Variants in ACIN1 observed in about 807,000 individuals in gnomAD.
ACIN1 encodes apoptotic chromatin condensation inducer in the nucleus.
Under a neutral mutation model 146.6 loss-of-function variants are expected in ACIN1, and 16 were observed. The ratio of observed to expected loss-of-function variants is 0.11; its 90% confidence interval spans 0.07 to 0.17. The LOEUF is 0.17. ACIN1 is among the 10% of genes least tolerant of loss of function. The pLI is 1.00. For synonymous variants in ACIN1, 569 were observed against 582.7 expected, an observed-to-expected ratio of 0.98 and a Z score of 0.34; for missense variants, 1,357 against 1,609.3, an observed-to-expected ratio of 0.84 and a Z score of 2.68.
At chr14:23,078,645 T>G (rs1220813692) in intron 7 of ACIN1, among the ~76,000 whole-genome samples, 175 bp downstream of exon 7, 1 of 152,226 alleles carries the variant, frequency 6.6e-6, no homozygotes, top group East Asian at 1.9e-4. Context: ...CTCAGCCTCA[T>G]GTAGAACTTC....
At chr14:23,062,353 G>A in intron 15 of ACIN1, 63 bp downstream of exon 15, 1 of 1,602,030 alleles carries the variant, frequency 6.2e-7, no homozygotes, top group Non-Finnish European at 8.6e-7. Context: ...CCTTAAACCT[G>A]CCCACACTGG....
intron 8 of ACIN1, among the ~76,000 whole-genome samples, chr14:23,069,865 T>C (rs1441218009): frequency 1.3e-5 from 2 of 152,122 alleles, no homozygotes; most frequent in Non-Finnish European, 2.9e-5. Context: ...GAGTTAAAAG[T>C]TGTCATTTGT....
intron 8 of ACIN1, chr14:23,071,546 G>A (rs1424078004): frequency 1.3e-6 from 2 of 1,550,830 alleles, no homozygotes; most frequent in East Asian, 2.4e-5. Flanking sequence ...GAGACATGCA[G>A]GGGAGCCATC....
chr14:23,083,384 T>C (rs1481029563), intron 4 of ACIN1, among the ~76,000 whole-genome samples: 1 of 151,914 alleles, frequency 6.6e-6, no homozygotes, highest in Non-Finnish European at 1.5e-5. Flanking sequence ...AATGTCATGA[T>C]TGAGAAAAAG....
Position 23,059,264 on chromosome 14 carries a change from G to T in ACIN1, c.3736C>A (p.Arg1246=). The part of the protein sequence containing the change: ...ERERDRGDRD[R]DRERDRERGR... ...CGTTCTCGGTCCCTTTCCCTATCCC[G>T]ATCTCGGTCCCCCCTGTCCCGCTCC... The change falls in exon 19 of 19, where the codon CGG becomes AGG. Residue 1246 remains arginine, a synonymous_variant. Coordinates refer to ENST00000605057, the MANE Select transcript of ACIN1 (RefSeq NM_001386863.1). 1.2e-6 allele frequency: 2 copies of T among 1,609,278 alleles called. No homozygotes were observed. Among genetic ancestry groups the T allele is most frequent in the South Asian group, 1.1e-5 (1 of 90,976 alleles).
At chr14:23,071,652 G>A in intron 8 of ACIN1, 1 of 1,296,202 alleles carries the variant, frequency 7.7e-7, no homozygotes, top group South Asian at 1.5e-5. Flanking sequence ...GAGTGAGCAA[G>A]GTTCTTATCC....
In ACIN1 at chr14:23,069,403, C is replaced by T. The variant is rs890178663; in HGVS notation, c.2265+73G>A. The T allele has an allele frequency of 9.6e-6, 15 of 1,556,004 alleles. No individual in the cohort carries two copies. In the African/African-American group the frequency reaches 1.6e-4, roughly 17 times the overall value. On this transcript the variant is annotated intron_variant, in intron 9 of 18. Coordinates refer to ENST00000605057, the MANE Select transcript of ACIN1 (RefSeq NM_001386863.1). ...AGTTAACCCACCGTGTAAGAGGGATCACTAGAGTGCTCTACTCTTTCCCCT... is the reference window on the plus strand; with the variant it reads ...AGTTAACCCACCGTGTAAGAGGGATTACTAGAGTGCTCTACTCTTTCCCCT...
intron 18 of ACIN1, 103 bp downstream of exon 18, chr14:23,060,977 TAGGA>T (rs2047261545): frequency 1.1e-5 from 11 of 1,044,028 alleles, no homozygotes; most frequent in Non-Finnish European, 1.6e-5. Context: ...ATCCTAAACC[TAGGA>T]AGTACTTGGG....
chr14:23,061,613 G>A lies in ACIN1; in HGVS notation c.3109C>T (p.His1037Tyr), dbSNP rs1298802842. 6.5e-7 allele frequency: 1 copy of A among 1,534,634 alleles called. No individual in the cohort carries two copies. Among genetic ancestry groups the A allele is most frequent in the Non-Finnish European group, 8.8e-7 (1 of 1,139,792 alleles). ...DYAEQDELDY[H>Y]RGLLVDRPSE... ...GGACGGTCCACCAAGAGGCCTCGGT[G>A]ATAATCCAGCTGTGGGGAGAGGAGG... Residue 1037 changes from histidine to tyrosine, a missense_variant, in exon 17 of 19, where the codon CAC becomes TAC. Around this residue, in one of 4 missense-constraint regions of ACIN1, gnomAD observed 509 missense variants for 719.6 expected, o/e 0.71. Coordinates refer to ENST00000605057, the MANE Select transcript of ACIN1 (RefSeq NM_001386863.1).
At position 23,078,182 on chromosome 14, in the gene ACIN1, G is replaced by C; in HGVS notation, c.2092C>G (p.Leu698Val). ...PQTSETQTSH[L>V]PESERIHHTV... ...TGATGAATTCTTTCTGATTCTGGCAGATGAGAGGTCTGAGTCTCTGAGGTT... is the reference window on the plus strand; with the variant it reads ...TGATGAATTCTTTCTGATTCTGGCACATGAGAGGTCTGAGTCTCTGAGGTT... Residue 698 changes from leucine (L) to valine (V), a missense_variant, in exon 8 of 19, where the codon CTG becomes GTG. Around this residue, in one of 4 missense-constraint regions of ACIN1, gnomAD observed 771 missense variants for 746.6 expected, o/e 1.03. Coordinates refer to ENST00000605057, the MANE Select transcript of ACIN1 (RefSeq NM_001386863.1). The C allele has an allele frequency of 1.9e-6, 3 of 1,614,202 alleles. No individual in the cohort carries two copies. Among genetic ancestry groups the C allele is most frequent in the Non-Finnish European group, 2.5e-6 (3 of 1,180,014 alleles).
intron 4 of ACIN1, among the ~76,000 whole-genome samples, chr14:23,083,601 A>G (rs188879080): frequency 0.037 from 5,564 of 152,168 alleles, 293 homozygotes; most frequent in African/African-American, 0.12. Flanking sequence ...GCGTGGCGGC[A>G]GGTGCCTGTA....
intron 8 of ACIN1, among the ~76,000 whole-genome samples, chr14:23,075,319 TC>T (rs1201974953): frequency 6.6e-5 from 9 of 136,182 alleles, no homozygotes; most frequent in African/African-American, 2.3e-4. Flanking sequence ...TTTTCTTTCT[TC>T]CCCTTTTTTT....
At chr14:23,063,958 T>C (rs372669123) in intron 12 of ACIN1, 147 bp downstream of exon 12, 130 of 1,043,594 alleles carry the variant, frequency 1.2e-4, no homozygotes, top group Middle Eastern at 3.1e-4. Context: ...CTGGATTTGG[T>C]AGTCTGACCC....
In ACIN1 at chr14:23,071,454, T is replaced by G. The variant is rs539235519; in HGVS notation, c.2124-1837A>C. ...CAAACCCCGAGTTCGGCTGGATTGG[T>G]CTCTCTGGAGAAGGAGGAAGAGGGC... On this transcript the variant is annotated intron_variant, in intron 8 of 18. Transcript: ENST00000605057. 8 of 1,551,634 alleles carry G rather than the reference T, an allele frequency of 5.2e-6. No individual in the cohort carries two copies. In the African/African-American group the frequency reaches 9.6e-5, roughly 19 times the overall value.
chr14:23,066,191 C>A, intron 9 of ACIN1, 183 bp from the exon 10 acceptor site: 1 of 542,256 alleles, frequency 1.8e-6, no homozygotes, highest in South Asian at 2.6e-5. Flanking sequence ...ACGGCAAAAA[C>A]GAAGCAGAAT....
chr14:23,069,626 A>AG lies in ACIN1; in HGVS notation c.2124-10dup, dbSNP rs1594755176. The AG allele has an allele frequency of 1.8e-5, 6 of 342,144 alleles. No homozygotes were observed. The highest frequency in any genetic ancestry group is 9.3e-5 in the East Asian group (1 of 10,782). 21.2% of individuals were successfully genotyped at this position (342,144 alleles called of 1,614,324 possible). On this transcript the variant is annotated splice_polypyrimidine_tract_variant and intron_variant, in intron 8 of 18. Transcript: ENST00000605057. Reference sequence around the variant, plus strand: ...CTTCCTCCTTCTCCTCACTGACAGGAGGGGGGAGTGGTGGTGGGGGGGCGG... The same window carrying AG: ...CTTCCTCCTTCTCCTCACTGACAGGAGGGGGGGAGTGGTGGTGGGGGGGCGG...
chr14:23,071,559 G>A (rs1483073531), intron 8 of ACIN1: 10 of 1,549,224 alleles, frequency 6.5e-6, no homozygotes, highest in East Asian at 2.4e-5. Flanking sequence ...GAGCCATCTT[G>A]CCACTTACCC....
chr14:23,066,307 G>A (rs2047455508), intron 9 of ACIN1: 1 of 258,774 alleles, frequency 3.9e-6, no homozygotes. Flanking sequence ...AGCTGGAAGA[G>A]GAGTTCAGTA....
intron 4 of ACIN1, among the ~76,000 whole-genome samples, chr14:23,083,272 A>C (rs1247080273): frequency 6.6e-6 from 1 of 151,616 alleles, no homozygotes; most frequent in Admixed American, 6.6e-5. Flanking sequence ...TGGCATGATC[A>C]TGGCTCACTG....
Sources: gnomAD v4.1 joint callset for allele counts (sites outside exome capture counted in the v4.1 genomes callset) on GRCh38, gnomAD v4.1.1 for gene constraint, gnomAD v4.1.1 regional missense constraint, MANE v1.5 for transcripts, NCBI Gene and HGNC (gene_info 2026-07-23, HGNC 2026-07-21) for gene names.